PAK3: variants seen among roughly 807,000 people sequenced by gnomAD.
The protein encoded by PAK3 is p21 (RAC1) activated kinase 3.
PAK3 carries 4 observed loss-of-function variants against 41.0 expected under a neutral mutation model. That is an observed-to-expected ratio of 0.10 (90% confidence interval 0.05 to 0.22). The LOEUF (loss-of-function observed/expected upper bound fraction) is 0.22. PAK3 is among the 10% of genes least tolerant of loss of function. The pLI, the probability that PAK3 is intolerant of heterozygous loss-of-function variation, is 1.00. For synonymous variants in PAK3, 146 were observed against 139.6 expected (o/e 1.05, Z -0.32); for missense variants, 205 against 409.9 (o/e 0.50, Z 4.32).
At chrX:111,089,493 G>A (rs1357223133) in intron 1 of PAK3, among the ~76,000 whole-genome samples, 2 of 111,861 alleles carry the variant, frequency 1.8e-5, no homozygotes, top group Admixed American at 1.9e-4. Context: ...TATCCACCAG[G>A]TACAGATCCC....
chrX:111,009,655 A>C (rs747798517), intron 1 of PAK3, among the ~76,000 whole-genome samples: 1 of 112,690 alleles, frequency 8.9e-6, no homozygotes, highest in Non-Finnish European at 1.9e-5. Context: ...AATAACCTTC[A>C]TAGGCTCCAC....
chrX:111,029,220 G>A (rs779739365), intron 1 of PAK3, among the ~76,000 whole-genome samples: 36 of 111,916 alleles, frequency 3.2e-4, no homozygotes, highest in Non-Finnish European at 4.9e-4. Context: ...AAGCCTATAG[G>A]CAATGATAAA....
intron 8 of PAK3, among the ~76,000 whole-genome samples, chrX:111,155,845 G>A (rs1193302901): frequency 9.0e-6 from 1 of 111,656 alleles, no homozygotes; most frequent in Non-Finnish European, 1.9e-5. Flanking sequence ...CAAGGAATAT[G>A]GGGTTGAATG....
At chrX:111,068,738 G>A (rs1295685025) in intron 1 of PAK3, among the ~76,000 whole-genome samples, 1 of 112,642 alleles carries the variant, frequency 8.9e-6, no homozygotes, top group South Asian at 3.6e-4. Context: ...TGCTTTACCT[G>A]CATCTAACAG....
At chrX:110,988,551 AT>A (rs1300989425) in intron 1 of PAK3, among the ~76,000 whole-genome samples, 3 of 112,110 alleles carry the variant, frequency 2.7e-5, no homozygotes, top group African/African-American at 9.7e-5. Context: ...CTCACTGTAG[AT>A]ACCTTGACAT....
chrX:111,185,912 T>C (rs2094505453), intron 11 of PAK3, among the ~76,000 whole-genome samples: 1 of 111,258 alleles, frequency 9.0e-6, no homozygotes, highest in Admixed American at 9.6e-5. Context: ...ACTGGCAAAC[T>C]GAATCCAGCA....
chrX:111,034,444 T>C (rs943840288), intron 1 of PAK3, among the ~76,000 whole-genome samples: 1 of 112,123 alleles, frequency 8.9e-6, no homozygotes, highest in African/African-American at 3.2e-5. Flanking sequence ...TGACAGTGTA[T>C]AAAATCCAGC....
intron 17 of PAK3, 113 bp from the exon 18 acceptor site, chrX:111,220,245 T>C: frequency 1.9e-6 from 1 of 529,963 alleles, no homozygotes; most frequent in Non-Finnish European, 3.4e-6. Context: ...AAATGATATT[T>C]AATTGGGTGT....
At chrX:111,219,229 T>TAAGAAG (rs1291808952) in intron 17 of PAK3, among the ~76,000 whole-genome samples, 1 of 100,451 alleles carries the variant, frequency 1.0e-5, no homozygotes, top group African/African-American at 4.0e-5. Context: ...ATAATAATAA[T>TAAGAAG]AATAATAAGC....
chrX:111,025,036 G>A (rs2092248632), intron 1 of PAK3, among the ~76,000 whole-genome samples: 1 of 111,170 alleles, frequency 9.0e-6, no homozygotes, highest in African/African-American at 3.3e-5. Context: ...AAATAATGTA[G>A]TCCTGAATGA....
intron 11 of PAK3, among the ~76,000 whole-genome samples, chrX:111,189,369 G>A (rs2094542017): frequency 8.9e-6 from 1 of 111,792 alleles, no homozygotes; most frequent in African/African-American, 3.3e-5. Flanking sequence ...ATCATGAATA[G>A]TGCTGCAATG....
At chrX:111,178,697 G>T (rs972113760) in intron 11 of PAK3, among the ~76,000 whole-genome samples, 3 of 110,071 alleles carry the variant, frequency 2.7e-5, no homozygotes, top group Admixed American at 1.9e-4. Context: ...AGAGAGGAGG[G>T]ACAAATTATT....
intron 1 of PAK3, among the ~76,000 whole-genome samples, chrX:111,083,116 C>T (rs376942171): frequency 8.0e-5 from 9 of 112,482 alleles, no homozygotes; most frequent in South Asian, 7.3e-4. Flanking sequence ...TTGTTTGAAA[C>T]GCAAAAGGTA....
intron 4 of PAK3, among the ~76,000 whole-genome samples, chrX:111,111,877 C>T (rs184925505): frequency 1.9e-3 from 213 of 111,624 alleles, no homozygotes; most frequent in Non-Finnish European, 1.2e-3. Flanking sequence ...AGGCTGGCAT[C>T]TCTACCATCT....
At chrX:111,160,552 G>T (rs900324398) in intron 8 of PAK3, among the ~76,000 whole-genome samples, 14 of 108,834 alleles carry the variant, frequency 1.3e-4, no homozygotes, top group Admixed American at 1.2e-3. Flanking sequence ...TGCCATGTTG[G>T]TGTGCTGCAC....
intron 1 of PAK3, among the ~76,000 whole-genome samples, chrX:111,058,564 C>T (rs983116802): frequency 2.7e-5 from 3 of 111,394 alleles, no homozygotes; most frequent in Non-Finnish European, 5.7e-5. Flanking sequence ...CTTATATATT[C>T]TAGATAAAAG....
chrX:111,077,423 A>G (rs1198014157), intron 1 of PAK3, among the ~76,000 whole-genome samples: 5 of 112,100 alleles, frequency 4.5e-5, no homozygotes, highest in African/African-American at 1.6e-4. Context: ...ACAAAACTCT[A>G]TTAATCAAAA....
chrX:111,095,351 T>C (rs2092965909), upstream of PAK3, among the ~76,000 whole-genome samples: 1 of 112,247 alleles, frequency 8.9e-6, no homozygotes, highest in South Asian at 3.7e-4. Context: ...ATTTGACTTT[T>C]TATGGCAGCT....
At chrX:111,057,832 C>T (rs1207452833) in intron 1 of PAK3, among the ~76,000 whole-genome samples, 1 of 111,578 alleles carries the variant, frequency 9.0e-6, no homozygotes, top group Non-Finnish European at 1.9e-5. Flanking sequence ...CAGTCACTCC[C>T]CGCTCTCCCC....
Sources: allele counts gnomAD v4.1 joint callset (sites outside exome capture counted in the v4.1 genomes callset), GRCh38; gene constraint gnomAD v4.1.1; transcripts MANE v1.5; gene names NCBI Gene and HGNC (gene_info 2026-07-23, HGNC 2026-07-21).